FBXL4: variants seen among roughly 807,000 people sequenced by gnomAD.
FBXL4 encodes F-box and leucine rich repeat protein 4, also known as F-box/LRR-repeat protein 4.
In FBXL4, 40 loss-of-function variants were observed where a neutral mutation model predicts 58.9. The observed-to-expected ratio is 0.68, with a 90% CI of 0.53 to 0.88. FBXL4 has a LOEUF of 0.88. FBXL4 is among the 40% of genes least tolerant of loss of function. FBXL4 has a pLI of 0.00. For missense variants in FBXL4, 676 were observed against 734.4 expected (o/e 0.92, Z 0.92); for synonymous variants, 263 against 265.5 (o/e 0.99, Z 0.09).
At chr6:98,915,277 T>A (rs1772292714) in intron 5 of FBXL4, among the ~76,000 whole-genome samples, 1 of 152,100 alleles carries the variant, frequency 6.6e-6, no homozygotes. Flanking sequence ...GCCATCCCCA[T>A]CAAGCTACCA....
rs534939852 is a variant in FBXL4, at chr6:98,878,156, A to G, written c.1389+2397T>C. 3.3e-5 allele frequency among the ~76,000 whole-genome samples: 5 copies of G among 152,334 alleles called. No individual in the cohort carries two copies. In the South Asian group the frequency reaches 1.0e-3, roughly 32 times the overall value. ...AGGTATATAATAGATCACAATCACC[A>G]TGGGAAAGTCAGCACAGTGCTCTAT... On this transcript the variant is annotated intron_variant, in intron 8 of 9. Coordinates refer to ENST00000369244, the MANE Select transcript of FBXL4 (RefSeq NM_001278716.2).
chr6:98,913,915 G>A (rs879511327), intron 5 of FBXL4, among the ~76,000 whole-genome samples: 5 of 149,934 alleles, frequency 3.3e-5, no homozygotes, highest in East Asian at 2.0e-4. Context: ...TTGATAAACC[G>A]CTACAAGACT....
intron 1 of FBXL4, among the ~76,000 whole-genome samples, chr6:98,942,131 A>C (rs1773455464): frequency 6.6e-6 from 1 of 152,000 alleles, no homozygotes; most frequent in African/African-American, 2.4e-5. Flanking sequence ...TAAATAAAAA[A>C]TATTCTAGAT....
chr6:98,931,831 G>A (rs1226454526), intron 2 of FBXL4, among the ~76,000 whole-genome samples: 1 of 152,186 alleles, frequency 6.6e-6, no homozygotes, highest in Admixed American at 6.5e-5. Context: ...GCTGAAAAAG[G>A]GAATGGAGCC....
chr6:98,912,339 T>C (rs1403705531), intron 5 of FBXL4, among the ~76,000 whole-genome samples: 1 of 152,000 alleles, frequency 6.6e-6, no homozygotes, highest in Non-Finnish European at 1.5e-5. Flanking sequence ...CACAAATATA[T>C]TCCTCAAGAA....
chr6:98,904,977 G>A (rs1314562543), intron 6 of FBXL4, among the ~76,000 whole-genome samples: 1 of 152,170 alleles, frequency 6.6e-6, no homozygotes, highest in African/African-American at 2.4e-5. Flanking sequence ...TAGTTTAAAT[G>A]AGCTTCTAAA....
chr6:98,913,019 T>C (rs1234173370), intron 5 of FBXL4, among the ~76,000 whole-genome samples: 1 of 151,596 alleles, frequency 6.6e-6, no homozygotes, highest in Non-Finnish European at 1.5e-5. Flanking sequence ...AAGGCAGGGG[T>C]TGCAATCCTA....
At chr6:98,896,478 G>A (rs529241433) in intron 7 of FBXL4, among the ~76,000 whole-genome samples, 1 of 152,296 alleles carries the variant, frequency 6.6e-6, no homozygotes, top group South Asian at 2.1e-4. Context: ...GAGACAATAA[G>A]AGAGTGAAGT....
rs6931565 is a variant in FBXL4, at chr6:98,938,592, C to G, written c.-308-3713G>C. 2.4e-3 allele frequency among the ~76,000 whole-genome samples: 368 copies of G among 152,280 alleles called. 1 individual carries two copies. Among genetic ancestry groups the G allele is most frequent in the African/African-American group, 8.4e-3 (348 of 41,570 alleles). ...GAAAAGACTGATAACTGGCATTTAC[C>G]TTTTCCCTTTAAGGCTGGGGGTTAG... On this transcript the variant is annotated intron_variant, in intron 1 of 9. Coordinates refer to ENST00000369244, the MANE Select transcript of FBXL4 (RefSeq NM_001278716.2).
intron 1 of FBXL4, among the ~76,000 whole-genome samples, chr6:98,937,535 G>A (rs947048292): frequency 1.3e-5 from 2 of 152,034 alleles, no homozygotes; most frequent in Admixed American, 6.5e-5. Flanking sequence ...AAAGGTCTTC[G>A]ATCTGATCTT....
At chr6:98,885,105 G>A (rs1237260009) in intron 7 of FBXL4, among the ~76,000 whole-genome samples, 2 of 152,082 alleles carry the variant, frequency 1.3e-5, no homozygotes, top group African/African-American at 2.4e-5. Flanking sequence ...ACATAATTCT[G>A]GGTGTTTGTT....
chr6:98,893,164 C>T (rs927190774), intron 7 of FBXL4, among the ~76,000 whole-genome samples: 7 of 152,194 alleles, frequency 4.6e-5, no homozygotes, highest in South Asian at 2.1e-4. Flanking sequence ...TGTTTTAGTA[C>T]GTGTGGGACT....
At chr6:98,915,978 A>G (rs539399907) in intron 5 of FBXL4, among the ~76,000 whole-genome samples, 8 of 144,918 alleles carry the variant, frequency 5.5e-5, no homozygotes, top group African/African-American at 2.0e-4. Flanking sequence ...TGACAAGAAA[A>G]AAACAACCCC....
chr6:98,905,453 C>G lies in FBXL4; in HGVS notation c.1076G>C (p.Gly359Ala). 1.2e-6 allele frequency: 2 copies of G among 1,614,014 alleles called. No homozygotes were observed. Among genetic ancestry groups the G allele is most frequent in the East Asian group, 2.2e-5 (1 of 44,882 alleles). ...GCTAAATCCTGCAACAGAGATGAAG[C>G]CTCTATTGCCAGTCCAAGATAAATT... ...WLNLSWTGNR[G>A]FISVAGFSRF... is the part of the protein sequence containing the mutation. Residue 359 changes from glycine to alanine, a missense_variant, in exon 6 of 10, where the codon GGC (glycine) becomes GCC (alanine). Physicochemically the swap from Gly to Ala is moderately conservative, Grantham distance 60. Coordinates refer to ENST00000369244, the MANE Select transcript of FBXL4 (RefSeq NM_001278716.2).
intron 5 of FBXL4, among the ~76,000 whole-genome samples, chr6:98,910,377 G>C (rs1172721980): frequency 1.3e-5 from 2 of 152,160 alleles, no homozygotes; most frequent in Non-Finnish European, 2.9e-5. Context: ...TTCCAGGCCG[G>C]GCACGGTGGC....
intron 1 of FBXL4, among the ~76,000 whole-genome samples, chr6:98,942,125 T>C (rs2128413301): frequency 6.6e-6 from 1 of 150,424 alleles, no homozygotes; most frequent in South Asian, 2.1e-4. Flanking sequence ...CAAAATTAAA[T>C]AAAAAATATT....
Position 98,947,884 on chromosome 6 carries a change from G to A in FBXL4, c.-387C>T, listed in dbSNP as rs968077853. On this transcript the variant is annotated 5_prime_UTR_variant, in exon 1 of 10. Transcript: ENST00000369244. Reference sequence around the variant, plus strand: ...CGCGAGAAGGCCTGGGTGCGGGGGCGGCTCCCCGACTCTCTAGATGCGGCA... The same window carrying A: ...CGCGAGAAGGCCTGGGTGCGGGGGCAGCTCCCCGACTCTCTAGATGCGGCA... 4 of 151,946 alleles carry A rather than the reference G, an allele frequency of 2.6e-5. No individual in the cohort carries two copies. The highest frequency in any genetic ancestry group is 6.6e-5 in the Admixed American group (1 of 15,248). The allele number at this position is 151,946 out of a possible 1,614,324, so 9.4% of individuals were successfully genotyped here.
chr6:98,914,151 A>G (rs1307078568), intron 5 of FBXL4, among the ~76,000 whole-genome samples: 1 of 152,152 alleles, frequency 6.6e-6, no homozygotes, highest in Non-Finnish European at 1.5e-5. Context: ...CAATAACAGG[A>G]TCTGAAATTG....
At chr6:98,913,185 C>G (rs1395338238) in intron 5 of FBXL4, among the ~76,000 whole-genome samples, 6 of 152,184 alleles carry the variant, frequency 3.9e-5, no homozygotes, top group East Asian at 3.9e-4. Context: ...AGCAAGTCCT[C>G]AGTGACCTAA....
Sources: gnomAD v4.1 joint callset for allele counts (sites outside exome capture counted in the v4.1 genomes callset) on GRCh38, gnomAD v4.1.1 for gene constraint, MANE v1.5 for transcripts, NCBI Gene and HGNC (gene_info 2026-07-23, HGNC 2026-07-21) for gene names.